The following CORO2B variants were observed in gnomAD, a reference collection of about 807,000 sequenced individuals.
The protein encoded by CORO2B is coronin-2B.
In CORO2B, 26 loss-of-function variants were observed where a neutral mutation model predicts 58.8. The observed-to-expected ratio is 0.44, with a 90% CI of 0.32 to 0.61. The LOEUF is 0.61. Ranked by LOEUF, CORO2B falls within the 20% of genes least tolerant of loss-of-function variation. The pLI is 0.04. For synonymous variants in CORO2B, 242 were observed against 253.8 expected (o/e 0.95, Z 0.44); for missense variants, 460 against 645.1 (o/e 0.71, Z 3.11).
chr15:68,706,208 C>G (rs10851790), intron 3 of CORO2B, among the ~76,000 whole-genome samples: 1 of 152,112 alleles, frequency 6.6e-6, no homozygotes. Flanking sequence ...TGCTGGCGCC[C>G]GACCCCACAC....
intron 1 of CORO2B, among the ~76,000 whole-genome samples, chr15:68,608,093 C>G (rs569339788): frequency 6.6e-6 from 1 of 152,252 alleles, no homozygotes; most frequent in Non-Finnish European, 1.5e-5. Flanking sequence ...ATGCCACCAA[C>G]GTGAAAGAAC....
chr15:68,558,875 T>C, the CORO2B span, among the ~76,000 whole-genome samples: 2 of 152,154 alleles, frequency 1.3e-5, no homozygotes, highest in African/African-American at 4.8e-5. Context: ...CTGGCCTCAG[T>C]TCCTTCATCT....
At chr15:68,605,117 G>GAA (rs141021846) in intron 1 of CORO2B, among the ~76,000 whole-genome samples, 5 of 124,484 alleles carry the variant, frequency 4.0e-5, no homozygotes, top group Admixed American at 8.4e-5. Context: ...CCGTCTCAAG[G>GAA]AAAAAAAAAA....
chr15:68,671,339 C>A (rs764571592), intron 2 of CORO2B, among the ~76,000 whole-genome samples: 3 of 152,104 alleles, frequency 2.0e-5, no homozygotes, highest in Non-Finnish European at 4.4e-5. Context: ...GTTTGAGACC[C>A]AGGAAAATTG....
At chr15:68,684,490 A>ATG (rs1902897392) in intron 2 of CORO2B, among the ~76,000 whole-genome samples, 1 of 152,142 alleles carries the variant, frequency 6.6e-6, no homozygotes, top group African/African-American at 2.4e-5. Flanking sequence ...TGGCACGTAC[A>ATG]TATGTGTGTG....
chr15:68,518,918 G>A, the CORO2B span, among the ~76,000 whole-genome samples: 1 of 152,190 alleles, frequency 6.6e-6, no homozygotes, highest in African/African-American at 2.4e-5. Flanking sequence ...TTTATGAGGA[G>A]GAGCCTGGAC....
At chr15:68,563,107 C>G in the CORO2B span, among the ~76,000 whole-genome samples, 1 of 151,678 alleles carries the variant, frequency 6.6e-6, no homozygotes, top group Non-Finnish European at 1.5e-5. Flanking sequence ...GATCTCAAAT[C>G]AATTACCTCA....
chr15:68,667,228 C>T (rs1043002904), intron 2 of CORO2B, among the ~76,000 whole-genome samples: 2 of 152,160 alleles, frequency 1.3e-5, no homozygotes, highest in Admixed American at 1.3e-4. Context: ...GAGCCAGCCC[C>T]GGTCTCTTCT....
chr15:68,544,237 G>A, the CORO2B span, among the ~76,000 whole-genome samples: 3 of 152,302 alleles, frequency 2.0e-5, no homozygotes, highest in East Asian at 5.8e-4. Flanking sequence ...CTGTAAAAGG[G>A]AGATACTGAT....
intron 1 of CORO2B, among the ~76,000 whole-genome samples, chr15:68,595,572 C>G (rs1022443422): frequency 6.6e-6 from 1 of 152,226 alleles, no homozygotes; most frequent in Non-Finnish European, 1.5e-5. Context: ...GGGGTGGGTT[C>G]TGTTCTCAGC....
the CORO2B span, among the ~76,000 whole-genome samples, chr15:68,529,216 T>C: frequency 2.0e-5 from 3 of 152,176 alleles, no homozygotes; most frequent in Non-Finnish European, 4.4e-5. Flanking sequence ...GGAGATAGTA[T>C]TTTTTATCAT....
At chr15:68,556,764 G>A in the CORO2B span, among the ~76,000 whole-genome samples, 2 of 152,208 alleles carry the variant, frequency 1.3e-5, no homozygotes, top group African/African-American at 4.8e-5. Flanking sequence ...CCTGACTCGT[G>A]ACTGTGGCTG....
chr15:68,667,016 C>A (rs1902213916), intron 2 of CORO2B, among the ~76,000 whole-genome samples: 1 of 152,006 alleles, frequency 6.6e-6, no homozygotes, highest in South Asian at 2.1e-4. Flanking sequence ...AGGTGAGGAG[C>A]AAAGAAGACC....
At chr15:68,575,220 G>C (rs879516995), upstream of CORO2B, among the ~76,000 whole-genome samples, 4 of 152,210 alleles carry the variant, frequency 2.6e-5, no homozygotes, top group African/African-American at 4.8e-5. Context: ...ATGGGGAAGA[G>C]GAGGGTGGAT....
intron 1 of CORO2B, among the ~76,000 whole-genome samples, chr15:68,612,874 C>T (rs1249136633): frequency 1.3e-5 from 2 of 152,156 alleles, no homozygotes; most frequent in African/African-American, 2.4e-5. Flanking sequence ...TGTAACTGAC[C>T]CCAGCTCCCT....
At chr15:68,569,157 C>T in the CORO2B span, among the ~76,000 whole-genome samples, 7 of 152,162 alleles carry the variant, frequency 4.6e-5, no homozygotes, top group Admixed American at 4.6e-4. Flanking sequence ...ACCCAGAGTC[C>T]AGAGTTTACA....
At chr15:68,661,274 G>C (rs1396686117) in intron 2 of CORO2B, among the ~76,000 whole-genome samples, 1 of 152,090 alleles carries the variant, frequency 6.6e-6, no homozygotes, top group Non-Finnish European at 1.5e-5. Flanking sequence ...CACCGCATCT[G>C]GTCAGTACCA....
At chr15:68,558,133 G>A in the CORO2B span, among the ~76,000 whole-genome samples, 10 of 152,282 alleles carry the variant, frequency 6.6e-5, no homozygotes, top group South Asian at 4.1e-4. Flanking sequence ...AGTGAGCTGG[G>A]CCAGCCTGGC....
At chr15:68,625,831 C>A (rs1378692834) in intron 1 of CORO2B, among the ~76,000 whole-genome samples, 1 of 152,110 alleles carries the variant, frequency 6.6e-6, no homozygotes, top group East Asian at 1.9e-4. Context: ...TCTCAAACTC[C>A]TGAGCTCAAG....
Sources: allele counts gnomAD v4.1 joint callset (sites outside exome capture counted in the v4.1 genomes callset), GRCh38; gene constraint gnomAD v4.1.1; transcripts MANE v1.5; gene names NCBI Gene and HGNC (gene_info 2026-07-23, HGNC 2026-07-21).